The following MAP3K20 variants were observed in gnomAD, a reference collection of about 807,000 sequenced individuals.
MAP3K20 encodes the protein mitogen-activated protein kinase kinase kinase 20, also known as HCCS-4.
Under a neutral mutation model 85.7 loss-of-function variants are expected in MAP3K20, and 40 were observed. That is an observed-to-expected ratio of 0.47 (90% CI 0.36 to 0.61). The LOEUF is 0.61. MAP3K20 is among the 20% of genes least tolerant of loss of function. The pLI, the probability that MAP3K20 is intolerant of heterozygous loss-of-function variation, is 0.00. For synonymous variants in MAP3K20, 325 were observed against 327.7 expected, an observed-to-expected ratio of 0.99 and a Z score of 0.09; for missense variants, 817 against 961.7, an observed-to-expected ratio of 0.85 and a Z score of 1.99.
At chr2:173,191,501 T>C (rs1432237425) in intron 7 of MAP3K20, among the ~76,000 whole-genome samples, 2 of 152,190 alleles carry the variant, frequency 1.3e-5, no homozygotes, top group Non-Finnish European at 2.9e-5. Context: ...GTGGACTCTC[T>C]CTGTAATTTC....
intron 2 of MAP3K20, among the ~76,000 whole-genome samples, chr2:173,155,596 C>T (rs1689443727): frequency 6.6e-6 from 1 of 152,152 alleles, no homozygotes; most frequent in Admixed American, 6.5e-5. Flanking sequence ...ATCATAACTA[C>T]ACCATGTTAA....
At position 173,182,969 on chromosome 2, in the gene MAP3K20, G is replaced by A. The variant is rs369318214; in HGVS notation, c.349+14G>A. The A allele has an allele frequency of 5.7e-6, 9 of 1,584,160 alleles. No individual in the cohort carries two copies. Among genetic ancestry groups the A allele is most frequent in the African/African-American group, 2.7e-5 (2 of 74,064 alleles). ...ATGTAGCCAAAGGTAATAATATTTG[G>A]TATATTCTTATAGAATTAGTGGGGT... is the stretch of plus-strand genomic sequence containing the variant. On this transcript the variant is annotated intron_variant, in intron 4 of 19. Coordinates refer to ENST00000375213, the MANE Select transcript of MAP3K20 (RefSeq NM_016653.3).
intron 16 of MAP3K20, among the ~76,000 whole-genome samples, chr2:173,239,807 C>T (rs1045685897): frequency 6.6e-6 from 1 of 152,180 alleles, no homozygotes; most frequent in Non-Finnish European, 1.5e-5. Context: ...CATGTCACAG[C>T]TTCCTGCTGA....
At chr2:173,171,637 C>T (rs7561129) in intron 3 of MAP3K20, among the ~76,000 whole-genome samples, 1 of 152,198 alleles carries the variant, frequency 6.6e-6, no homozygotes, top group Non-Finnish European at 1.5e-5. Context: ...AAGTTTTCTT[C>T]CATTCAGTAT....
At chr2:173,125,066 C>T (rs755906638) in intron 2 of MAP3K20, among the ~76,000 whole-genome samples, 16 of 152,220 alleles carry the variant, frequency 1.1e-4, no homozygotes, top group Non-Finnish European at 1.9e-4. Context: ...AGCTCAAGTA[C>T]CACATAGGAG....
rs967840331 is a variant in MAP3K20 at position 173,092,287 on chromosome 2, C to G, written c.159+1097C>G. ...GAAAGGAGAGCTTTTAAAGCCCATC[C>G]GTACACAAAACAGAAAGGTACTGGG... On this transcript the variant is annotated intron_variant, in intron 2 of 19. Transcript: ENST00000375213. Among the ~76,000 whole-genome samples, 10 of 152,304 alleles carry G rather than the reference C, an allele frequency of 6.6e-5. No individual in the cohort carries two copies. The East Asian group carries it at 1.9e-3, about 29-fold the overall frequency.
At chr2:173,122,627 A>G (rs1342568569) in intron 2 of MAP3K20, among the ~76,000 whole-genome samples, 1 of 152,014 alleles carries the variant, frequency 6.6e-6, no homozygotes, top group African/African-American at 2.4e-5. Context: ...GTGACTCTCC[A>G]TTGTGGTGAC....
chr2:173,114,656 A>T (rs909321138), intron 2 of MAP3K20, among the ~76,000 whole-genome samples: 1 of 152,162 alleles, frequency 6.6e-6, no homozygotes, highest in Non-Finnish European at 1.5e-5. Flanking sequence ...TTTCCTTCAT[A>T]CATGTGCTTA....
chr2:173,225,707 C>T (rs1684368961), intron 11 of MAP3K20: 1 of 984,346 alleles, frequency 1.0e-6, no homozygotes, highest in Non-Finnish European at 1.2e-6. Flanking sequence ...TTCTCCTGAA[C>T]AAAATTACCC....
chr2:173,262,010 CCT>C (rs770994677), intron 18 of MAP3K20, among the ~76,000 whole-genome samples: 1 of 145,896 alleles, frequency 6.9e-6, no homozygotes, highest in Non-Finnish European at 1.5e-5. Context: ...CAGTGAGACC[CCT>C]GTCTCCAGAA....
chr2:173,176,790 C>T (rs1690173609), intron 3 of MAP3K20, among the ~76,000 whole-genome samples: 1 of 152,152 alleles, frequency 6.6e-6, no homozygotes, highest in African/African-American at 2.4e-5. Context: ...CAATTATGTA[C>T]TCTCTACAAG....
chr2:173,107,353 G>A (rs1687811231), intron 2 of MAP3K20, among the ~76,000 whole-genome samples: 1 of 152,114 alleles, frequency 6.6e-6, no homozygotes, highest in Non-Finnish European at 1.5e-5. Context: ...GGATAGAGGG[G>A]CTTTGTGCAA....
Position 173,266,670 on chromosome 2 carries a change from A to T in MAP3K20, c.2323A>T (p.Lys775Ter). The stretch of plus-strand genomic sequence containing the variant: ...GGGCTGGACAAAAGTGGAATACCGG[A>T]AAAAGCCCCACAGGCCATCTCCCGC... Reference protein sequence around the residue: ...EGGWTKVEYRKKPHRPSPAKT... With the variant: ...EGGWTKVEYR The change falls in exon 20 of 20, where the codon AAA (lysine) becomes TAA (stop). Residue 775 changes from lysine (K) to a stop codon, truncating the protein, a stop_gained. Transcript: ENST00000375213. LOFTEE classifies it low-confidence loss of function (END_TRUNC). The T allele has an allele frequency of 1.2e-6, 2 of 1,609,078 alleles. No individual in the cohort carries two copies. Among genetic ancestry groups the T allele is most frequent in the African/African-American group, 2.7e-5 (2 of 74,826 alleles).
At chr2:173,244,834 C>G (rs1318407420) in intron 16 of MAP3K20, among the ~76,000 whole-genome samples, 3 of 152,160 alleles carry the variant, frequency 2.0e-5, no homozygotes, top group Admixed American at 2.0e-4. Context: ...AGGCTTCCTC[C>G]ACATCCCAAT....
At chr2:173,195,386 G>GA (rs1158428667) in intron 7 of MAP3K20, among the ~76,000 whole-genome samples, 3 of 152,264 alleles carry the variant, frequency 2.0e-5, no homozygotes, top group East Asian at 3.9e-4. Flanking sequence ...AGAAAGGGCA[G>GA]AAAAAGTACG....
chr2:173,197,993 A>T, intron 7 of MAP3K20, 33 bp from the exon 8 acceptor site: 1 of 1,592,932 alleles, frequency 6.3e-7, no homozygotes, highest in Non-Finnish European at 8.6e-7. Flanking sequence ...TATAAAGTAC[A>T]AAAATAAAAA....
chr2:173,129,525 C>A (rs1434097410), intron 2 of MAP3K20, among the ~76,000 whole-genome samples: 1 of 152,182 alleles, frequency 6.6e-6, no homozygotes, highest in Non-Finnish European at 1.5e-5. Flanking sequence ...TCCATGAATA[C>A]AACAGCATTA....
intron 11 of MAP3K20, chr2:173,222,221 G>T (rs1203759425): frequency 1.4e-5 from 13 of 939,656 alleles, no homozygotes; most frequent in South Asian, 4.9e-5. Flanking sequence ...ACAAAAAAAA[G>T]AAAGAATTGA....
chr2:173,167,479 CTAAAA>C (rs772492624), intron 2 of MAP3K20, among the ~76,000 whole-genome samples: 2 of 152,092 alleles, frequency 1.3e-5, no homozygotes, highest in Non-Finnish European at 1.5e-5. Flanking sequence ...GTACAGCACT[CTAAAA>C]TAACATGTTG....
Sources: allele counts gnomAD v4.1 joint callset (sites outside exome capture counted in the v4.1 genomes callset), GRCh38; gene constraint gnomAD v4.1.1; transcripts MANE v1.5; gene names NCBI Gene and HGNC (gene_info 2026-07-23, HGNC 2026-07-21).